The following ASIC2 variants were observed in gnomAD, a reference collection of about 807,000 sequenced individuals.
The protein encoded by ASIC2 is acid-sensing ion channel 2.
A neutral mutation model predicts 57.3 loss-of-function variants in ASIC2; 25 were observed. The observed-to-expected ratio is 0.44, with a 90% CI of 0.32 to 0.61. The LOEUF (loss-of-function observed/expected upper bound fraction) is 0.61. ASIC2 is among the 20% of genes least tolerant of loss of function. The pLI, the probability that ASIC2 is intolerant of heterozygous loss-of-function variation, is 0.06. For missense variants in ASIC2, 641 were observed against 738.1 expected (o/e 0.87, Z 1.52); for synonymous variants, 319 against 307.5 (o/e 1.04, Z -0.39).
intron 1 of ASIC2, among the ~76,000 whole-genome samples, chr17:33,807,817 G>A (rs960317934): frequency 2.0e-5 from 3 of 152,146 alleles, no homozygotes; most frequent in African/African-American, 7.2e-5. Context: ...ATTTTTATAT[G>A]CTTATTTTCC....
intron 1 of ASIC2, among the ~76,000 whole-genome samples, chr17:33,607,172 T>TGAGC: frequency 6.6e-6 from 1 of 152,114 alleles, no homozygotes; most frequent in Non-Finnish European, 1.5e-5. Flanking sequence ...GAGCATGTTT[T>TGAGC]AGGGAGCAGA....
At chr17:33,737,448 G>A (rs1237525009) in intron 1 of ASIC2, among the ~76,000 whole-genome samples, 10 of 151,360 alleles carry the variant, frequency 6.6e-5, no homozygotes, top group African/African-American at 2.4e-4. Context: ...TCTTGGGAAT[G>A]GTTTGGCTTG....
At chr17:33,900,315 A>T (rs994537115) in intron 1 of ASIC2, among the ~76,000 whole-genome samples, 1 of 152,156 alleles carries the variant, frequency 6.6e-6, no homozygotes, top group Non-Finnish European at 1.5e-5. Context: ...GAAAGTTATT[A>T]GTGGTTTTGC....
chr17:34,028,831 G>T (rs942193947), intron 1 of ASIC2, among the ~76,000 whole-genome samples: 1 of 152,078 alleles, frequency 6.6e-6, no homozygotes. Flanking sequence ...TCCTCTTCTT[G>T]GATTGAATCT....
In ASIC2 at chr17:33,320,601, A is replaced by C. The variant is rs1422125095; in HGVS notation, c.556-208534T>G. 1.4e-4 allele frequency among the ~76,000 whole-genome samples: 21 copies of C among 152,174 alleles called. 1 individual carries two copies. The highest frequency in any genetic ancestry group is 1.4e-3 in the Admixed American group (21 of 15,278). On this transcript the variant is annotated intron_variant, in intron 1 of 9. Coordinates refer to the ASIC2 transcript ENST00000359872. ...GGTTTTGTTGTTATTGTTGGTTGCG[A>C]ACACATCATCTCGTCGGCTCATTCT... is the stretch of plus-strand genomic sequence containing the variant.
At chr17:33,367,831 A>G (rs1908878174) in intron 1 of ASIC2, among the ~76,000 whole-genome samples, 1 of 152,182 alleles carries the variant, frequency 6.6e-6, no homozygotes, top group Non-Finnish European at 1.5e-5. Flanking sequence ...AGGCCCCTGG[A>G]ACTTGCTTTA....
chr17:33,330,792 C>T (rs1013453176), intron 1 of ASIC2, among the ~76,000 whole-genome samples: 1 of 152,098 alleles, frequency 6.6e-6, no homozygotes. Context: ...TAAGAATAGA[C>T]TTGCAAAGGA....
At chr17:33,533,489 T>C (rs1040384812) in intron 1 of ASIC2, 2 of 152,212 alleles carry the variant, frequency 1.3e-5, no homozygotes, top group Admixed American at 6.5e-5. Flanking sequence ...TCTCTTGACT[T>C]ACAGGGCCAT....
chr17:33,204,328 G>T (rs574023173), intron 1 of ASIC2, among the ~76,000 whole-genome samples: 2 of 152,198 alleles, frequency 1.3e-5, no homozygotes, highest in Admixed American at 6.5e-5. Flanking sequence ...CCCATGTCCA[G>T]CTGCTAAGTC....
intron 1 of ASIC2, among the ~76,000 whole-genome samples, chr17:33,523,895 G>A (rs546529379): frequency 1.3e-5 from 2 of 152,286 alleles, no homozygotes; most frequent in South Asian, 4.1e-4. Context: ...TGTAAGTGCT[G>A]TCTCCATGCA....
At chr17:33,578,733 C>T (rs1296535869) in intron 1 of ASIC2, among the ~76,000 whole-genome samples, 2 of 152,168 alleles carry the variant, frequency 1.3e-5, no homozygotes, top group African/African-American at 2.4e-5. Context: ...ACAGAGGGGG[C>T]ACTAATGGCT....
intron 1 of ASIC2, among the ~76,000 whole-genome samples, chr17:33,862,837 G>A (rs409573): frequency 0.12 from 17,865 of 152,284 alleles, 1,291 homozygotes; most frequent in Admixed American, 0.17. Context: ...TTACTAAATA[G>A]AGAGGGCAGA....
intron 1 of ASIC2, among the ~76,000 whole-genome samples, chr17:33,619,898 A>C (rs1437974564): frequency 6.6e-6 from 1 of 152,210 alleles, no homozygotes; most frequent in East Asian, 1.9e-4. Flanking sequence ...CATTTTAACA[A>C]CGCATGAGAG....
At chr17:33,129,564 C>T (rs1028878949) in intron 1 of ASIC2, among the ~76,000 whole-genome samples, 4 of 152,222 alleles carry the variant, frequency 2.6e-5, no homozygotes, top group African/African-American at 9.7e-5. Context: ...GGGAGATGCA[C>T]ATATTCTGTC....
At chr17:33,626,003 GA>G (rs1186534423) in intron 1 of ASIC2, among the ~76,000 whole-genome samples, 2 of 152,230 alleles carry the variant, frequency 1.3e-5, no homozygotes, top group Non-Finnish European at 2.9e-5. Context: ...GTTGGTGGTG[GA>G]AAAGGAGAAT....
chr17:33,285,888 A>G (rs889453101), intron 1 of ASIC2, among the ~76,000 whole-genome samples: 2 of 152,218 alleles, frequency 1.3e-5, no homozygotes, highest in Non-Finnish European at 1.5e-5. Flanking sequence ...ACAGCTGCCC[A>G]ATGCTATTTG....
intron 1 of ASIC2, among the ~76,000 whole-genome samples, chr17:33,253,417 C>T (rs1404366914): frequency 6.6e-6 from 1 of 152,164 alleles, no homozygotes; most frequent in Non-Finnish European, 1.5e-5. Context: ...GTTATAGGAG[C>T]TAGACCAGAG....
intron 1 of ASIC2, among the ~76,000 whole-genome samples, chr17:33,216,119 T>C (rs972552962): frequency 2.6e-5 from 4 of 152,244 alleles, no homozygotes; most frequent in Non-Finnish European, 4.4e-5. Context: ...TATTCCTATT[T>C]TCTTATTGAA....
rs1187486263 is a variant in ASIC2, at chr17:33,510,454, G to A, written c.556-398387C>T. 2.6e-5 allele frequency among the ~76,000 whole-genome samples: 4 copies of A among 152,018 alleles called. No homozygotes were observed. The East Asian group carries it at 7.8e-4, about 30-fold the overall frequency. On this transcript the variant is annotated intron_variant, in intron 1 of 9. Coordinates refer to the ASIC2 transcript ENST00000359872. ...GATGGCTTGAGAATAGGAGTTTGAGGCCAGTATAGTGAGACCCCATCTCTA... is the reference window on the plus strand; with the variant it reads ...GATGGCTTGAGAATAGGAGTTTGAGACCAGTATAGTGAGACCCCATCTCTA...
Sources: gnomAD v4.1 joint callset for allele counts (sites outside exome capture counted in the v4.1 genomes callset) on GRCh38, gnomAD v4.1.1 for gene constraint, MANE v1.5 for transcripts, NCBI Gene and HGNC (gene_info 2026-07-23, HGNC 2026-07-21) for gene names.